ARID5B: variants seen among roughly 807,000 people sequenced by gnomAD.
The protein encoded by ARID5B is AT-rich interaction domain 5B.
Under a neutral mutation model 97.2 loss-of-function variants are expected in ARID5B, and 13 were observed. The ratio of observed to expected loss-of-function variants is 0.13; its 90% CI spans 0.09 to 0.21. The LOEUF is 0.21. Among genes scored for constraint, ARID5B ranks in the 10% least tolerant of loss-of-function variants. The pLI, the probability that ARID5B is intolerant of heterozygous loss-of-function variation, is 1.00. For synonymous variants in ARID5B, 556 were observed against 570.3 expected (o/e 0.97, Z 0.36); for missense variants, 1,210 against 1,465.3 (o/e 0.83, Z 2.84).
At chr10:61,947,568 C>A (rs974368158) in intron 3 of ARID5B, among the ~76,000 whole-genome samples, 1 of 152,066 alleles carries the variant, frequency 6.6e-6, no homozygotes, top group African/African-American at 2.4e-5. Flanking sequence ...CTGTGTCCAA[C>A]CCAGTATGTT....
intron 5 of ARID5B, chr10:62,051,240 T>G: frequency 1.7e-6 from 1 of 591,966 alleles, no homozygotes; most frequent in Non-Finnish European, 3.0e-6. Flanking sequence ...ACCTCCCAGT[T>G]TGGCCTGTTA....
At chr10:61,925,263 G>A (rs572987009) in intron 2 of ARID5B, among the ~76,000 whole-genome samples, 55 of 152,056 alleles carry the variant, frequency 3.6e-4, no homozygotes, top group Non-Finnish European at 7.4e-4. Context: ...GAGTCATTCC[G>A]GATTGGGTGG....
rs73276023 is a variant in ARID5B at position 62,052,890 on chromosome 10, G to C, written c.846+1890G>C. 9.5e-3 allele frequency among the ~76,000 whole-genome samples: 1,445 copies of C among 152,290 alleles called. 27 individuals carry two copies. The highest frequency in any genetic ancestry group is 0.033 in the African/African-American group (1,369 of 41,568). ...TGTCATGCTGCAGTCAGCTCCTAGG[G>C]ACTGGTCTAATGGCTTGGCTCTTTT... On this transcript the variant is annotated intron_variant, in intron 5 of 9. Coordinates refer to ENST00000279873, the MANE Select transcript of ARID5B (RefSeq NM_032199.3).
rs1434492811 is a variant in ARID5B, at chr10:62,000,018, A to G, written c.503-73A>G. The stretch of plus-strand genomic sequence containing the variant: ...AGTCCCAAACCAGAAGTGATTATTG[A>G]AATTATACCATGGCCATGAAAGTTC... On this transcript the variant is annotated intron_variant, in intron 3 of 9. Coordinates refer to ENST00000279873, the MANE Select transcript of ARID5B (RefSeq NM_032199.3). The surrounding 1 kb of genome is among the most constrained non-coding windows in gnomAD (Gnocchi z 4.4). 1.4e-6 allele frequency: 2 copies of G among 1,433,972 alleles called. No individual in the cohort carries two copies. Among genetic ancestry groups the G allele is most frequent in the Non-Finnish European group, 2.0e-6 (2 of 1,023,660 alleles). 88.8% of individuals were successfully genotyped at this position (1,433,972 alleles called of 1,614,324 possible).
intron 8 of ARID5B, among the ~76,000 whole-genome samples, chr10:62,075,345 G>T (rs1840114505): frequency 6.6e-6 from 1 of 152,178 alleles, no homozygotes; most frequent in South Asian, 2.1e-4. Context: ...AATCAAACAT[G>T]CCCAGGGGCA....
intron 6 of ARID5B, 105 bp downstream of exon 6, chr10:62,057,423 A>T: frequency 8.6e-7 from 1 of 1,164,112 alleles, no homozygotes; most frequent in Non-Finnish European, 1.2e-6. Context: ...TAATCTGGGG[A>T]TAGTGCTCTC....
chr10:62,001,695 A>G (rs1839082125), intron 4 of ARID5B, among the ~76,000 whole-genome samples: 1 of 152,148 alleles, frequency 6.6e-6, no homozygotes, highest in African/African-American at 2.4e-5. Flanking sequence ...AGGGGAACCA[A>G]ATGATCTAAG....
chr10:61,947,190 A>T (rs1049863438), intron 3 of ARID5B, among the ~76,000 whole-genome samples: 3 of 152,050 alleles, frequency 2.0e-5, no homozygotes, highest in Non-Finnish European at 4.4e-5. Context: ...TTGATGGAGT[A>T]CAAGAATCTG....
chr10:61,947,261 C>CTTT lies in ARID5B; in HGVS notation c.502+6876_502+6878dup, dbSNP rs199587188. Reference sequence around the variant, plus strand: ...ACCAGTATATCTTCTCACTTACTTTCTTTTTTTTTTTTTTTTTTTTTTTTT... The same window carrying CTTT: ...ACCAGTATATCTTCTCACTTACTTTCTTTTTTTTTTTTTTTTTTTTTTTTTTTT... On this transcript the variant is annotated intron_variant, in intron 3 of 9. Coordinates refer to ENST00000279873, the MANE Select transcript of ARID5B (RefSeq NM_032199.3). Among the ~76,000 whole-genome samples the CTTT allele has an allele frequency of 7.8e-4, 97 of 124,266 alleles. 4 individuals are homozygous for CTTT. The highest frequency in any genetic ancestry group is 1.5e-3 in the African/African-American group (50 of 33,126). 81.5% of individuals were successfully genotyped at this position (124,266 alleles called of 152,430 possible).
At chr10:61,960,638 A>T (rs1236171307) in intron 3 of ARID5B, among the ~76,000 whole-genome samples, 1 of 151,022 alleles carries the variant, frequency 6.6e-6, no homozygotes, top group Non-Finnish European at 1.5e-5. Context: ...TTGAAGCCCA[A>T]GATGAGAAGC....
At chr10:61,996,648 T>G (rs1234295190) in intron 3 of ARID5B, among the ~76,000 whole-genome samples, 1 of 152,128 alleles carries the variant, frequency 6.6e-6, no homozygotes, top group African/African-American at 2.4e-5. Context: ...AAAAAACCTT[T>G]GTGAATTTTA....
At chr10:62,065,733 C>A (rs940455992) in intron 7 of ARID5B, among the ~76,000 whole-genome samples, 4 of 151,400 alleles carry the variant, frequency 2.6e-5, no homozygotes, top group Admixed American at 2.6e-4. Flanking sequence ...GTGGTCCCAG[C>A]TACTCAGGAG....
At chr10:61,916,062 GT>G (rs2132764017) in intron 2 of ARID5B, among the ~76,000 whole-genome samples, 1 of 151,920 alleles carries the variant, frequency 6.6e-6, no homozygotes, top group Admixed American at 6.5e-5. Context: ...AGCCTTGTTT[GT>G]TTGTTTTTGA....
chr10:62,016,887 G>A (rs1244498145), intron 4 of ARID5B, among the ~76,000 whole-genome samples: 2 of 152,186 alleles, frequency 1.3e-5, no homozygotes, highest in Non-Finnish European at 2.9e-5. Context: ...TTCTTAAAAT[G>A]TGTTATGAGG....
chr10:61,933,320 C>T (rs1249806876), intron 2 of ARID5B, among the ~76,000 whole-genome samples: 1 of 152,144 alleles, frequency 6.6e-6, no homozygotes, highest in Non-Finnish European at 1.5e-5. Context: ...TCCTGAAAGT[C>T]GTCACCTATG....
chr10:61,963,553 A>G (rs553717749), intron 3 of ARID5B, among the ~76,000 whole-genome samples: 18 of 152,054 alleles, frequency 1.2e-4, no homozygotes, highest in Non-Finnish European at 1.9e-4. Context: ...ATCCAGATGG[A>G]CAGCTGACCT....
chr10:62,041,492 A>G (rs1251214228), intron 4 of ARID5B, among the ~76,000 whole-genome samples: 27 of 152,236 alleles, frequency 1.8e-4, no homozygotes, highest in Admixed American at 1.7e-3. Flanking sequence ...GCACAAAGTG[A>G]GTGAAAAGCC....
At position 61,983,867 on chromosome 10, in the gene ARID5B, C is replaced by CTTTTTTTTTTTTTTTTTTTTTT. The variant is rs1164342402; in HGVS notation, c.503-16214_503-16193dup. 7.2e-5 allele frequency among the ~76,000 whole-genome samples: 2 copies of CTTTTTTTTTTTTTTTTTTTTTT among 27,590 alleles called. 1 individual carries two copies. The highest frequency in any genetic ancestry group is 3.2e-4 in the African/African-American group (2 of 6,322). 18.1% of individuals were successfully genotyped at this position (27,590 alleles called of 152,430 possible). A position where few individuals can be genotyped will look rare whatever the true frequency, so the allele number is the denominator to read the frequency against. On this transcript the variant is annotated intron_variant, in intron 3 of 9. Coordinates refer to ENST00000279873, the MANE Select transcript of ARID5B (RefSeq NM_032199.3). Reference sequence around the variant, plus strand: ...TATATTTTTTAAACCCCCTTTTGTTCTTTTTTTTTTTTTTTTTTTTTTTTT... The same window carrying CTTTTTTTTTTTTTTTTTTTTTT: ...TATATTTTTTAAACCCCCTTTTGTTCTTTTTTTTTTTTTTTTTTTTTTTTTTTTTTTTTTTTTTTTTTTTTTT...
intron 3 of ARID5B, 146 bp downstream of exon 3, chr10:61,940,554 G>A: frequency 1.4e-6 from 1 of 730,944 alleles, no homozygotes; most frequent in Non-Finnish European, 2.2e-6. Context: ...TATGGATGGA[G>A]AGATGACTGG....
Sources: allele counts gnomAD v4.1 joint callset (sites outside exome capture counted in the v4.1 genomes callset), GRCh38; gene constraint gnomAD v4.1.1; non-coding constraint Gnocchi (gnomAD v3.1); transcripts MANE v1.5; gene names NCBI Gene and HGNC (gene_info 2026-07-23, HGNC 2026-07-21).